Variants in ERBIN observed in about 807,000 individuals in gnomAD.
The protein encoded by ERBIN is densin-180-like protein.
In ERBIN, 60 loss-of-function variants were observed where a neutral mutation model predicts 158.4. That is an observed-to-expected ratio of 0.38 (90% CI 0.31 to 0.47). The LOEUF (loss-of-function observed/expected upper bound fraction) is 0.47, where lower values mean the gene tolerates loss of function less well. ERBIN is among the 20% of genes least tolerant of loss of function. ERBIN has a pLI of 0.99. For synonymous variants in ERBIN, 594 were observed against 557.2 expected (o/e 1.07, Z -0.93); for missense variants, 1,610 against 1,648.0 (o/e 0.98, Z 0.40).
chr5:66,017,853 A>G (rs1213200643), intron 7 of ERBIN, among the ~76,000 whole-genome samples: 2 of 151,996 alleles, frequency 1.3e-5, no homozygotes, highest in African/African-American at 2.4e-5. Flanking sequence ...TTGTGGTTTA[A>G]TTTGTGTGTA....
At chr5:65,955,807 C>A (rs1747044671) in intron 1 of ERBIN, among the ~76,000 whole-genome samples, 1 of 152,230 alleles carries the variant, frequency 6.6e-6, no homozygotes, top group East Asian at 1.9e-4. Context: ...CAGTCAACTA[C>A]AGTCCAAAAA....
At chr5:65,995,673 C>T (rs904677607) in intron 4 of ERBIN, among the ~76,000 whole-genome samples, 6 of 152,034 alleles carry the variant, frequency 3.9e-5, no homozygotes, top group Non-Finnish European at 2.9e-5. Flanking sequence ...TGTGGTAGTT[C>T]TGATTTTTTG....
intron 1 of ERBIN, among the ~76,000 whole-genome samples, chr5:65,978,387 A>G (rs1750271011): frequency 6.6e-6 from 1 of 152,164 alleles, no homozygotes; most frequent in Non-Finnish European, 1.5e-5. Flanking sequence ...CTGTTGAAAA[A>G]AAAATTGAGG....
chr5:65,983,477 A>T (rs1329687951), intron 1 of ERBIN, among the ~76,000 whole-genome samples: 1 of 151,944 alleles, frequency 6.6e-6, no homozygotes, highest in Non-Finnish European at 1.5e-5. Context: ...TTAATTGTTT[A>T]CTATTTATGT....
chr5:66,042,890 GA>G (rs1364804159), intron 15 of ERBIN, among the ~76,000 whole-genome samples, 186 bp from the exon 16 acceptor site: 2 of 152,094 alleles, frequency 1.3e-5, no homozygotes, highest in African/African-American at 4.8e-5. Context: ...ACATTGTAAA[GA>G]AATCTTACAT....
intron 1 of ERBIN, among the ~76,000 whole-genome samples, chr5:65,961,019 C>T (rs769522843): frequency 6.6e-6 from 1 of 152,106 alleles, no homozygotes; most frequent in South Asian, 2.1e-4. Context: ...ATTCCCTAAA[C>T]CTCCCTATCC....
chr5:65,986,399 G>T (rs1751241314), intron 1 of ERBIN, among the ~76,000 whole-genome samples: 2 of 152,162 alleles, frequency 1.3e-5, no homozygotes, highest in Non-Finnish European at 1.5e-5. Context: ...AGATTTGGTG[G>T]CCAGCTTTGC....
At chr5:66,069,056 TAGAAG>T in intron 21 of ERBIN, 1 of 1,430,524 alleles carries the variant, frequency 7.0e-7, no homozygotes, top group East Asian at 2.6e-5. Context: ...TTTTAGCTTG[TAGAAG>T]AGAAAACCCC....
At chr5:65,977,324 G>A (rs1277053049) in intron 1 of ERBIN, among the ~76,000 whole-genome samples, 5 of 151,820 alleles carry the variant, frequency 3.3e-5, no homozygotes, top group African/African-American at 1.2e-4. Flanking sequence ...CCCGGACGAG[G>A]TGGCTGCCGG....
rs111325059 is a variant in ERBIN, at chr5:65,949,011, G to A, written c.-58+22205G>A. Among the ~76,000 whole-genome samples the A allele has an allele frequency of 2.9e-4, 44 of 152,106 alleles. 2 individuals are homozygous for A. Among genetic ancestry groups the A allele is most frequent in the African/African-American group, 8.7e-4 (36 of 41,494 alleles). ...ACTCCTGACCTCAGGTGATCCATCC[G>A]CCTTGGCCTCCCAGAGTTCTAGGAT... On this transcript the variant is annotated intron_variant, in intron 1 of 25. Coordinates refer to ENST00000284037, the MANE Select transcript of ERBIN (RefSeq NM_001253697.2).
At chr5:66,046,642 G>T in intron 18 of ERBIN, 104 bp downstream of exon 18, 1 of 926,986 alleles carries the variant, frequency 1.1e-6, no homozygotes, top group Non-Finnish European at 1.6e-6. Flanking sequence ...ATATGTTAAT[G>T]CATTCATCAT....
At chr5:65,976,992 C>T (rs1401122947) in intron 1 of ERBIN, among the ~76,000 whole-genome samples, 1 of 152,214 alleles carries the variant, frequency 6.6e-6, no homozygotes, top group Non-Finnish European at 1.5e-5. Flanking sequence ...TCCACAAAAC[C>T]GCCATTGTCA....
At position 66,076,401 on chromosome 5, in the gene ERBIN, A is replaced by G. The variant is rs775039836; in HGVS notation, c.4049A>G (p.Asp1350Gly). The change falls in exon 24 of 26, where the codon GAT (aspartate) becomes GGT (glycine). Residue 1350 changes from aspartate (D) to glycine (G), a missense_variant. By Grantham distance (94) the Asp-to-Gly change is moderately conservative. This residue lies in a region of ERBIN where 1,014 missense variants were observed against 936.1 expected (regional missense o/e 1.08). Transcript: ENST00000284037. ...VGGRGNPFRP[D>G]DDGIFVTRVQ... is the part of the protein sequence containing the mutation. ...GGTAGAGGAAACCCATTCAGACCTGATGATGATGTAAGTTTTCTTTGTATA... is the reference window on the plus strand; with the variant it reads ...GGTAGAGGAAACCCATTCAGACCTGGTGATGATGTAAGTTTTCTTTGTATA... 1 of 1,608,244 alleles carries G rather than the reference A, an allele frequency of 6.2e-7. No individual in the cohort carries two copies. Among genetic ancestry groups the G allele is most frequent in the Non-Finnish European group, 8.5e-7 (1 of 1,177,564 alleles).
At chr5:66,019,015 A>T (rs1755392970) in intron 7 of ERBIN, among the ~76,000 whole-genome samples, 1 of 152,062 alleles carries the variant, frequency 6.6e-6, no homozygotes, top group Non-Finnish European at 1.5e-5. Flanking sequence ...GCATATGTAA[A>T]TCCTCCTGAT....
intron 21 of ERBIN, among the ~76,000 whole-genome samples, chr5:66,060,201 T>A (rs991125901): frequency 1.1e-4 from 16 of 152,236 alleles, no homozygotes; most frequent in African/African-American, 3.1e-4. Context: ...TATTAATTAT[T>A]GCCTCAATTT....
In ERBIN at chr5:66,053,485, C is replaced by T. The variant is rs1343781763; in HGVS notation, c.2167C>T (p.His723Tyr). Reference protein sequence around the residue: ...NSSTEEKFKAHDKKDFNLPEY... With the variant: ...NSSTEEKFKAYDKKDFNLPEY... ...TTCAACAGAGGAAAAGTTCAAAGCT[C>T]ATGATAAAAAAGATTTTAACTTACC... The change falls in exon 21 of 26, where the codon CAT becomes TAT. Residue 723 changes from histidine (H) to tyrosine (Y), a missense_variant. This residue lies in a region of ERBIN where 1,014 missense variants were observed against 936.1 expected (regional missense o/e 1.08). Transcript: ENST00000284037. The T allele has an allele frequency of 2.5e-6, 4 of 1,605,938 alleles. No homozygotes were observed. The highest frequency in any genetic ancestry group is 2.2e-5 in the East Asian group (1 of 44,768).
intron 1 of ERBIN, among the ~76,000 whole-genome samples, chr5:65,933,302 A>G (rs1743668393): frequency 6.6e-6 from 1 of 152,112 alleles, no homozygotes; most frequent in Non-Finnish European, 1.5e-5. Flanking sequence ...TCTCTACTGT[A>G]TTGGTCATTT....
chr5:66,023,201 A>G, intron 8 of ERBIN, 89 bp from the exon 9 acceptor site: 1 of 903,914 alleles, frequency 1.1e-6, no homozygotes, highest in Non-Finnish European at 1.8e-6. Context: ...ACTAAAGGTT[A>G]TTAGAAATTC....
chr5:66,021,362 G>C lies in ERBIN; in HGVS notation c.574G>C (p.Gly192Arg), dbSNP rs749710374. ...GACCCAGCTGGAAAGACTGGATTTG[G>C]GAAGTAACGAATTCACGGAAGTGGT... ...RLTQLERLDLGSNEFTEVPEV... is the reference protein window; with the variant it reads ...RLTQLERLDLRSNEFTEVPEV... The change falls in exon 8 of 26, where the codon GGA (glycine) becomes CGA (arginine). Residue 192 changes from glycine to arginine, a missense_variant. Around this residue, in one of 2 missense-constraint regions of ERBIN, gnomAD observed 596 missense variants for 711.9 expected, o/e 0.84. Transcript: ENST00000284037. 1 of 1,603,376 alleles carries C rather than the reference G, an allele frequency of 6.2e-7. No individual in the cohort carries two copies. The highest frequency in any genetic ancestry group is 8.5e-7 in the Non-Finnish European group (1 of 1,172,908).
Sources: gnomAD v4.1 joint callset for allele counts (sites outside exome capture counted in the v4.1 genomes callset) on GRCh38, gnomAD v4.1.1 for gene constraint, gnomAD v4.1.1 regional missense constraint, MANE v1.5 for transcripts, NCBI Gene and HGNC (gene_info 2026-07-23, HGNC 2026-07-21) for gene names.